Variants in CST3 observed in about 807,000 individuals in gnomAD.
CST3 encodes cystatin C.
A neutral mutation model predicts 9.0 loss-of-function variants in CST3; 14 were observed. The observed-to-expected ratio is 1.56, with a 90% CI of 1.03 to 2.44. The LOEUF is 2.44. Ranked by LOEUF, CST3 falls within the 30% of genes most tolerant of loss-of-function variation. The pLI, the probability that CST3 is intolerant of heterozygous loss-of-function variation, is 0.00. For missense variants in CST3, 237 were observed against 204.3 expected (o/e 1.16, Z -0.98); for synonymous variants, 96 against 90.2 (o/e 1.06, Z -0.37).
At chr20:23,627,358 C>G (rs761958408) in exon 4 of CST3, 3 of 152,184 alleles carry the variant, frequency 2.0e-5, no homozygotes, top group African/African-American at 7.2e-5. Flanking sequence ...CATTGTAGCA[C>G]GGGTCATGTC....
At chr20:23,632,617 T>G (rs570998141), downstream of CST3, among the ~76,000 whole-genome samples, 145 of 152,324 alleles carry the variant, frequency 9.5e-4, no homozygotes, top group African/African-American at 3.4e-3. Context: ...GGTGCTGGCC[T>G]TGGCGCTACT....
exon 4 of CST3, chr20:23,627,405 A>C (rs1051831073): frequency 6.6e-6 from 1 of 152,206 alleles, no homozygotes; most frequent in African/African-American, 2.4e-5. Flanking sequence ...CATTGTATGA[A>C]TAGACTAACA....
In CST3 at chr20:23,637,885, G is replaced by T. The variant is rs912252230; in HGVS notation, c.-23C>A. The T allele has an allele frequency of 7.2e-7, 1 of 1,384,820 alleles. No individual in the cohort carries two copies. Among genetic ancestry groups the T allele is most frequent in the South Asian group, 1.7e-5 (1 of 58,540 alleles). The allele number at this position is 1,384,820 out of a possible 1,614,324, so 85.8% of individuals were successfully genotyped here. ...CATGGTCGGCTAGGACGCGGGACGC[G>T]GGGAGTGGGGCGCAGGCGAGAGGCT... On this transcript the variant is annotated 5_prime_UTR_variant, in exon 1 of 3. Coordinates refer to ENST00000376925, the MANE Select transcript of CST3 (RefSeq NM_000099.4).
chr20:23,629,903 CCAAA>C (rs1423875120), downstream of CST3, among the ~76,000 whole-genome samples: 1 of 152,114 alleles, frequency 6.6e-6, no homozygotes, highest in African/African-American at 2.4e-5. Flanking sequence ...TTTCATTGCC[CCAAA>C]CAAAGCTTTG....
At chr20:23,636,104 C>G (rs1017162354) in intron 1 of CST3, among the ~76,000 whole-genome samples, 9 of 152,266 alleles carry the variant, frequency 5.9e-5, no homozygotes, top group African/African-American at 1.7e-4. Context: ...GTAAAATAGG[C>G]TCCAGGGCCC....
At chr20:23,634,026 C>CAGTG (rs1339643708) in intron 2 of CST3, 27 bp from the exon 3 acceptor site, 21 of 1,589,646 alleles carry the variant, frequency 1.3e-5, no homozygotes, top group Non-Finnish European at 1.8e-5. Flanking sequence ...AGGGGACAAT[C>CAGTG]AGTGTGGGTT....
At chr20:23,632,870 T>C (rs975013424), downstream of CST3, among the ~76,000 whole-genome samples, 4 of 152,192 alleles carry the variant, frequency 2.6e-5, no homozygotes, top group Non-Finnish European at 5.9e-5. Flanking sequence ...AATGCTGACA[T>C]GAAGGGAATG....
chr20:23,631,414 C>CCTA (rs1979447822), downstream of CST3, among the ~76,000 whole-genome samples: 1 of 152,182 alleles, frequency 6.6e-6, no homozygotes, highest in Non-Finnish European at 1.5e-5. Flanking sequence ...TTCTGAAGCT[C>CCTA]CTATACCTTT....
At chr20:23,637,508 CG>C (rs1568706323) in intron 1 of CST3, 111 bp downstream of exon 1, 1 of 1,075,306 alleles carries the variant, frequency 9.3e-7, no homozygotes, top group East Asian at 3.2e-5. Flanking sequence ...GAACAGGGTC[CG>C]GGTGAGAAGC....
intron 1 of CST3, among the ~76,000 whole-genome samples, chr20:23,637,066 CAG>C (rs1467075842): frequency 4.6e-5 from 7 of 152,162 alleles, no homozygotes; most frequent in African/African-American, 7.2e-5. Context: ...GGGGAACAAA[CAG>C]GGCAAAATGT....
At chr20:23,636,847 G>C (rs1353094511) in intron 1 of CST3, among the ~76,000 whole-genome samples, 1 of 152,216 alleles carries the variant, frequency 6.6e-6, no homozygotes, top group Non-Finnish European at 1.5e-5. Flanking sequence ...CACGAAGGCC[G>C]TCAACAGACA....
At chr20:23,629,992 G>T (rs1370227130), downstream of CST3, among the ~76,000 whole-genome samples, 1 of 152,226 alleles carries the variant, frequency 6.6e-6, no homozygotes, top group Non-Finnish European at 1.5e-5. Context: ...CGTTTGCAGA[G>T]ATACCTGGCA....
At chr20:23,634,204 T>A (rs948561953) in intron 2 of CST3, among the ~76,000 whole-genome samples, 1 of 151,892 alleles carries the variant, frequency 6.6e-6, no homozygotes, top group African/African-American at 2.4e-5. Flanking sequence ...GCTCCAACTC[T>A]ACCTGGTGGC....
chr20:23,637,324 T>C (rs1979714830), intron 1 of CST3, among the ~76,000 whole-genome samples: 1 of 152,170 alleles, frequency 6.6e-6, no homozygotes, highest in Non-Finnish European at 1.5e-5. Flanking sequence ...GACAGAGCTG[T>C]GTGGGACGTC....
In CST3 at chr20:23,634,212, G is replaced by A. The variant is rs1449416398; in HGVS notation, c.358-213C>T. Among the ~76,000 whole-genome samples, 5 of 152,184 alleles carry A rather than the reference G, an allele frequency of 3.3e-5. No individual in the cohort carries two copies. In the South Asian group the frequency reaches 1.0e-3, roughly 32 times the overall value. On this transcript the variant is annotated intron_variant, in intron 2 of 2. Transcript: ENST00000376925. ...TCCCAGGGCTCCAACTCTACCTGGTGGCACTGGGCCCCCACCCCAGCCTGC... is the reference window on the plus strand; with the variant it reads ...TCCCAGGGCTCCAACTCTACCTGGTAGCACTGGGCCCCCACCCCAGCCTGC...
At chr20:23,635,140 C>A (rs1390075481) in intron 2 of CST3, 114 bp downstream of exon 2, 5 of 919,020 alleles carry the variant, frequency 5.4e-6, no homozygotes, top group Non-Finnish European at 8.8e-6. Context: ...CACGTGTACA[C>A]ACACTCAGGC....
chr20:23,636,182 C>A (rs1204589921), intron 1 of CST3, among the ~76,000 whole-genome samples: 1 of 152,166 alleles, frequency 6.6e-6, no homozygotes, highest in Non-Finnish European at 1.5e-5. Context: ...GGACCCTACA[C>A]CAGGGAATGG....
Position 23,635,287 on chromosome 20 carries a change from GT to G in CST3, c.323del (p.Asn108ThrfsTer10). Reference sequence around the variant, plus strand: ...GATGTGGCTGGTCATGGAAGGGGCAGTTGTCCAAGTTGGGCTGGGTCTTGGT... The same window carrying G: ...GATGTGGCTGGTCATGGAAGGGGCAGTGTCCAAGTTGGGCTGGGTCTTGGT... ...TCTKTQPNLD[N>X]CPFHDQPHLK... On this transcript the variant is annotated frameshift_variant, in exon 2 of 3. Coordinates refer to ENST00000376925, the MANE Select transcript of CST3 (RefSeq NM_000099.4). LOFTEE classifies it low-confidence loss of function (END_TRUNC). The G allele has an allele frequency of 6.2e-7, 1 of 1,614,174 alleles. No individual in the cohort carries two copies. Among genetic ancestry groups the G allele is most frequent in the Non-Finnish European group, 8.5e-7 (1 of 1,180,030 alleles).
intron 1 of CST3, 119 bp downstream of exon 1, chr20:23,637,501 C>A: frequency 9.9e-7 from 1 of 1,014,798 alleles, no homozygotes; most frequent in Non-Finnish European, 1.3e-6. Flanking sequence ...AGACCGGGAA[C>A]AGGGTCCGGG....
Sources: gnomAD v4.1 joint callset for allele counts (sites outside exome capture counted in the v4.1 genomes callset) on GRCh38, gnomAD v4.1.1 for gene constraint, MANE v1.5 for transcripts, NCBI Gene and HGNC (gene_info 2026-07-23, HGNC 2026-07-21) for gene names.